The following ZMYM5 variants were observed in gnomAD, a reference collection of about 807,000 sequenced individuals.
ZMYM5 encodes zinc finger MYM-type containing 5, also known as zinc finger MYM-type protein 5.
ZMYM5 carries 41 observed loss-of-function variants against 61.8 expected under a neutral mutation model. The observed-to-expected ratio is 0.66, with a 90% CI of 0.52 to 0.86. The LOEUF (loss-of-function observed/expected upper bound fraction) is 0.86. Ranked by LOEUF, ZMYM5 falls within the 40% of genes least tolerant of loss-of-function variation. ZMYM5 has a pLI of 0.00. For synonymous variants in ZMYM5, 257 were observed against 276.4 expected, an observed-to-expected ratio of 0.93 and a Z score of 0.70; for missense variants, 706 against 786.7, an observed-to-expected ratio of 0.90 and a Z score of 1.23.
chr13:19,845,496 C>CA (rs1953043844), intron 4 of ZMYM5, among the ~76,000 whole-genome samples: 1 of 152,196 alleles, frequency 6.6e-6, no homozygotes, highest in Non-Finnish European at 1.5e-5. Flanking sequence ...CTAATGTACT[C>CA]AGAGTTAGCA....
At chr13:19,848,702 T>C (rs922271851) in intron 4 of ZMYM5, among the ~76,000 whole-genome samples, 1 of 151,944 alleles carries the variant, frequency 6.6e-6, no homozygotes, top group African/African-American at 2.4e-5. Context: ...CCTGGCTACT[T>C]TTTAATTTTT....
Position 19,835,569 on chromosome 13 carries a change from T to G in ZMYM5, c.1159A>C (p.Met387Leu), listed in dbSNP as rs1227764923. ...TTGTTTCCAGTACTCTTACTAGGCA[T>G]GTACTCTCCACAGTGTTCACAGCAG... Reference protein sequence around the residue: ...MNCCEHCGEYMPSKSTGNNIL... With the variant: ...MNCCEHCGEYLPSKSTGNNIL... The change falls in exon 7 of 8, where the codon ATG (methionine) becomes CTG (leucine). Residue 387 changes from methionine to leucine, a missense_variant. By Grantham distance (15) the Met-to-Leu change is conservative (BLOSUM62 2). Transcript: ENST00000337963. The G allele has an allele frequency of 5.8e-6, 8 of 1,367,724 alleles. No individual in the cohort carries two copies. The highest frequency in any genetic ancestry group is 6.9e-6 in the Non-Finnish European group (7 of 1,021,856). 84.7% of individuals were successfully genotyped at this position (1,367,724 alleles called of 1,614,324 possible).
chr13:19,849,177 T>C (rs893783546), intron 4 of ZMYM5, among the ~76,000 whole-genome samples: 2 of 152,192 alleles, frequency 1.3e-5, no homozygotes, highest in South Asian at 2.1e-4. Flanking sequence ...TAGGCTGGAG[T>C]GCAGCGGTAG....
intron 4 of ZMYM5, among the ~76,000 whole-genome samples, chr13:19,846,777 A>C (rs1566100096): frequency 4.0e-5 from 6 of 150,964 alleles, no homozygotes; most frequent in South Asian, 4.2e-4. Flanking sequence ...GAAAAAAAAA[A>C]CTAGCAGGGT....
chr13:19,859,088 C>T (rs984863660), intron 2 of ZMYM5, among the ~76,000 whole-genome samples: 6 of 151,844 alleles, frequency 4.0e-5, no homozygotes, highest in African/African-American at 9.7e-5. Flanking sequence ...GCCGAGATCA[C>T]GCCACTGCAT....
Position 19,847,178 on chromosome 13 carries a change from G to A in ZMYM5, c.586+4177C>T, listed in dbSNP as rs1953104582. On this transcript the variant is annotated intron_variant, in intron 4 of 7. Coordinates refer to ENST00000337963, the MANE Select transcript of ZMYM5 (RefSeq NM_001142684.2). ...TGGCCAGGCTGGTCTCGAACTCCCA[G>A]CCTCAAGTGATCCGCCTGCCTTGGC... Among the ~76,000 whole-genome samples, 3 of 152,002 alleles carry A rather than the reference G, an allele frequency of 2.0e-5. No homozygotes were observed. In the South Asian group the frequency reaches 6.2e-4, roughly 32 times the overall value.
intron 2 of ZMYM5, among the ~76,000 whole-genome samples, chr13:19,855,958 A>AGG (rs1953490279): frequency 6.6e-6 from 1 of 151,648 alleles, no homozygotes. Flanking sequence ...GGAGCTTGCA[A>AGG]TGAGCAGAGA....
chr13:19,863,579 G>C lies in ZMYM5; in HGVS notation c.-208C>G, dbSNP rs1953860800. On this transcript the variant is annotated 5_prime_UTR_variant, in exon 1 of 8. Transcript: ENST00000337963. ...GGCTGCGGCTGCGCGGAACGAACAA[G>C]CCCACCCCGCTTCGGCGACAAGCAC... is the stretch of plus-strand genomic sequence containing the variant. 1 of 152,678 alleles carries C rather than the reference G, an allele frequency of 6.5e-6. No homozygotes were observed. Among genetic ancestry groups the C allele is most frequent in the Non-Finnish European group, 1.5e-5 (1 of 68,238 alleles). The allele number at this position is 152,678 out of a possible 1,614,324, so 9.5% of individuals were successfully genotyped here.
chr13:19,832,538 G>A (rs1952562520), intron 7 of ZMYM5, among the ~76,000 whole-genome samples: 1 of 152,054 alleles, frequency 6.6e-6, no homozygotes, highest in African/African-American at 2.4e-5. Context: ...TGTTGGCCAG[G>A]CTGGTCTCGA....
chr13:19,826,169 C>CA (rs1391913022), intron 7 of ZMYM5, among the ~76,000 whole-genome samples: 3 of 150,738 alleles, frequency 2.0e-5, no homozygotes, highest in Non-Finnish European at 4.4e-5. Context: ...CTGTCTGGCT[C>CA]AAAAAAACAA....
rs1176069145 is a variant in ZMYM5 at position 19,863,609 on chromosome 13, C to A, written c.-238G>T. Reference sequence around the variant, plus strand: ...CCCCGCTTCGGCGACAAGCACAACTCCGCGAGGTCCAGTCCCGGCTTTTCG... The same window carrying A: ...CCCCGCTTCGGCGACAAGCACAACTACGCGAGGTCCAGTCCCGGCTTTTCG... On this transcript the variant is annotated 5_prime_UTR_variant, in exon 1 of 8. Coordinates refer to ENST00000337963, the MANE Select transcript of ZMYM5 (RefSeq NM_001142684.2). 1 of 152,706 alleles carries A rather than the reference C, an allele frequency of 6.5e-6. No homozygotes were observed. Among genetic ancestry groups the A allele is most frequent in the Non-Finnish European group, 1.5e-5 (1 of 68,300 alleles). The allele number at this position is 152,706 out of a possible 1,614,324, so 9.5% of individuals were successfully genotyped here.
intron 4 of ZMYM5, among the ~76,000 whole-genome samples, chr13:19,846,111 C>G (rs1246696639): frequency 6.6e-6 from 1 of 152,182 alleles, no homozygotes; most frequent in Non-Finnish European, 1.5e-5. Flanking sequence ...TTTAGAGTCT[C>G]TCTTCCAGGA....
intron 4 of ZMYM5, among the ~76,000 whole-genome samples, chr13:19,849,197 G>A (rs998346271): frequency 6.6e-6 from 1 of 152,076 alleles, no homozygotes; most frequent in Non-Finnish European, 1.5e-5. Context: ...GGATTAAAGC[G>A]CAATGTGACC....
intron 7 of ZMYM5, among the ~76,000 whole-genome samples, chr13:19,831,931 C>G (rs1891246520): frequency 6.6e-6 from 1 of 151,548 alleles, no homozygotes; most frequent in Non-Finnish European, 1.5e-5. Context: ...TCTCGGCTCA[C>G]TGCAACCTCC....
intron 4 of ZMYM5, among the ~76,000 whole-genome samples, chr13:19,850,567 C>T (rs1026972363): frequency 2.6e-5 from 4 of 152,068 alleles, no homozygotes; most frequent in South Asian, 4.2e-4. Flanking sequence ...CGCCATTGCA[C>T]TCCAGCCTGG....
chr13:19,826,571 A>G (rs774591155), intron 7 of ZMYM5, among the ~76,000 whole-genome samples: 5 of 151,906 alleles, frequency 3.3e-5, no homozygotes, highest in Non-Finnish European at 4.4e-5. Flanking sequence ...CCTAACCAAG[A>G]TGGTGAAAAC....
Position 19,837,833 on chromosome 13 carries a change from G to A in ZMYM5, c.873-12C>T. 2 of 1,574,854 alleles carry A rather than the reference G, an allele frequency of 1.3e-6. No homozygotes were observed. The highest frequency in any genetic ancestry group is 2.3e-5 in the East Asian group (1 of 43,734). On this transcript the variant is annotated splice_polypyrimidine_tract_variant and intron_variant, in intron 5 of 7. Transcript: ENST00000337963. ...TTGTAGATGCATCTCTGAAACAGAA[G>A]GGATAGACACATAATTTAAGAACAC...
Position 19,838,420 on chromosome 13 carries a change from G to T in ZMYM5, c.872+280C>A, listed in dbSNP as rs572380930. 4.6e-4 allele frequency among the ~76,000 whole-genome samples: 70 copies of T among 152,212 alleles called. 1 individual carries two copies. Among genetic ancestry groups the T allele is most frequent in the African/African-American group, 1.6e-3 (65 of 41,562 alleles). Reference sequence around the variant, plus strand: ...CCAAAATGCTGGTAATAAATTCATAGAACTAAGGTGTTAAGATGGGGGAGC... The same window carrying T: ...CCAAAATGCTGGTAATAAATTCATATAACTAAGGTGTTAAGATGGGGGAGC... On this transcript the variant is annotated intron_variant, in intron 5 of 7. Coordinates refer to ENST00000337963, the MANE Select transcript of ZMYM5 (RefSeq NM_001142684.2).
chr13:19,856,023 CA>C (rs555571425), intron 2 of ZMYM5, among the ~76,000 whole-genome samples: 10 of 139,142 alleles, frequency 7.2e-5, no homozygotes, highest in African/African-American at 1.3e-4. Flanking sequence ...ATCTCAAAAA[CA>C]AAAAAAAAAC....
Sources: allele counts gnomAD v4.1 joint callset (sites outside exome capture counted in the v4.1 genomes callset), GRCh38; gene constraint gnomAD v4.1.1; transcripts MANE v1.5; gene names NCBI Gene and HGNC (gene_info 2026-07-23, HGNC 2026-07-21).